TTC39B: variants seen among roughly 807,000 people sequenced by gnomAD.
TTC39B encodes tetratricopeptide repeat domain 39B, also known as tetratricopeptide repeat protein 39B.
Under a neutral mutation model 96.6 loss-of-function variants are expected in TTC39B, and 92 were observed. That is an observed-to-expected ratio of 0.95 (90% CI 0.80 to 1.13). The LOEUF is 1.13. Ranked by LOEUF, TTC39B falls within the 50% of genes most tolerant of loss-of-function variation. The pLI, the probability that TTC39B is intolerant of heterozygous loss-of-function variation, is 0.00. For missense variants in TTC39B, 955 were observed against 809.3 expected, an observed-to-expected ratio of 1.18 and a Z score of -2.18; for synonymous variants, 367 against 299.4, an observed-to-expected ratio of 1.23 and a Z score of -2.33.
intron 2 of TTC39B, among the ~76,000 whole-genome samples, chr9:15,237,963 T>C (rs1030035773): frequency 6.6e-6 from 1 of 152,164 alleles, no homozygotes; most frequent in African/African-American, 2.4e-5. Context: ...TTATTCCAGG[T>C]ATGCAAGGAT....
exon 20 of TTC39B, chr9:15,171,426 T>TA (rs898855742): frequency 3.3e-5 from 5 of 151,972 alleles, no homozygotes; most frequent in African/African-American, 7.3e-5. Flanking sequence ...AAATGAAGAG[T>TA]AAAAAACCAC....
At chr9:15,251,258 T>C (rs1381298333) in intron 2 of TTC39B, among the ~76,000 whole-genome samples, 1 of 151,764 alleles carries the variant, frequency 6.6e-6, no homozygotes, top group East Asian at 1.9e-4. Context: ...AAATAGTAAA[T>C]TCCTTGGAAA....
At chr9:15,195,850 A>T (rs1275940309) in intron 8 of TTC39B, among the ~76,000 whole-genome samples, 4 of 152,204 alleles carry the variant, frequency 2.6e-5, no homozygotes, top group African/African-American at 9.7e-5. Context: ...TAGAACTTTC[A>T]TATCTAGAGA....
chr9:15,269,855 CAAAAAAAAAGAAAA>C (rs1404316052), intron 1 of TTC39B, among the ~76,000 whole-genome samples: 75 of 87,298 alleles, frequency 8.6e-4, no homozygotes, highest in African/African-American at 4.1e-3. Context: ...ACTCCGTCTC[CAAAAAAAAAGAAAA>C]AAAAAAAAAG....
intron 8 of TTC39B, among the ~76,000 whole-genome samples, chr9:15,194,129 G>A (rs761613666): frequency 2.0e-5 from 3 of 151,886 alleles, no homozygotes; most frequent in Non-Finnish European, 2.9e-5. Context: ...TCTGAGTGAC[G>A]ATTTACAATC....
At position 15,280,770 on chromosome 9, in the gene TTC39B, C is replaced by A. The variant is rs138117920; in HGVS notation, c.241-12822G>T. Among the ~76,000 whole-genome samples the A allele has an allele frequency of 2.6e-3, 393 of 152,258 alleles. 2 individuals are homozygous for A. Among genetic ancestry groups the A allele is most frequent in the African/African-American group, 9.0e-3 (372 of 41,554 alleles). ...TCCCTAAAAGTTAATATATTGAGAA[C>A]TTAGCTTGAGTCTGGTCCTTCCCAA... On this transcript the variant is annotated intron_variant, in intron 1 of 19. Coordinates refer to ENST00000512701, the Ensembl canonical transcript of TTC39B.
intron 2 of TTC39B, among the ~76,000 whole-genome samples, chr9:15,243,811 G>A (rs958446373): frequency 7.9e-5 from 12 of 152,204 alleles, no homozygotes; most frequent in Non-Finnish European, 1.6e-4. Flanking sequence ...TCAGGAGGCT[G>A]AGAGGACAGC....
chr9:15,259,641 A>C (rs923592470), intron 2 of TTC39B, among the ~76,000 whole-genome samples: 18 of 152,346 alleles, frequency 1.2e-4, no homozygotes, highest in African/African-American at 4.3e-4. Context: ...AATGAAGTGC[A>C]GATGGTCCCC....
intron 3 of TTC39B, 40 bp downstream of exon 3, chr9:15,225,877 C>G (rs992407708): frequency 1.9e-6 from 3 of 1,573,570 alleles, no homozygotes; most frequent in Admixed American, 3.4e-5. Context: ...TGGGACTGTC[C>G]TCCCCTCTTC....
At chr9:15,226,188 T>C (rs955017223) in intron 2 of TTC39B, among the ~76,000 whole-genome samples, 176 bp from the exon 3 acceptor site, 1 of 152,234 alleles carries the variant, frequency 6.6e-6, no homozygotes, top group African/African-American at 2.4e-5. Flanking sequence ...CAAACATTCC[T>C]GAAATACAGC....
intron 2 of TTC39B, among the ~76,000 whole-genome samples, chr9:15,255,747 T>C (rs984693037): frequency 6.6e-6 from 1 of 152,198 alleles, no homozygotes; most frequent in African/African-American, 2.4e-5. Flanking sequence ...CCAACAATTA[T>C]GGATAGTGTT....
chr9:15,244,288 T>A (rs1207575599), intron 2 of TTC39B, among the ~76,000 whole-genome samples: 2 of 152,248 alleles, frequency 1.3e-5, no homozygotes, highest in Admixed American at 1.3e-4. Context: ...TTATCCTCTC[T>A]TACCACATGA....
At chr9:15,198,127 G>C (rs1819282780) in intron 8 of TTC39B, among the ~76,000 whole-genome samples, 1 of 152,042 alleles carries the variant, frequency 6.6e-6, no homozygotes, top group Admixed American at 6.6e-5. Flanking sequence ...CCGCATTGTA[G>C]GGTTTAAAAT....
chr9:15,281,678 A>AT (rs57693563), intron 1 of TTC39B, among the ~76,000 whole-genome samples: 10,824 of 137,784 alleles, frequency 0.079, 497 homozygotes, highest in African/African-American at 0.12. Context: ...CCTCTTCTGC[A>AT]TTTTTTTTTT....
chr9:15,241,307 ACT>A (rs1362702550), intron 2 of TTC39B, among the ~76,000 whole-genome samples: 2 of 151,986 alleles, frequency 1.3e-5, no homozygotes, highest in South Asian at 2.1e-4. Context: ...AAAAAAAAAA[ACT>A]CTGCAAAACA....
chr9:15,216,533 G>C (rs1179187234), intron 3 of TTC39B, among the ~76,000 whole-genome samples: 1 of 152,146 alleles, frequency 6.6e-6, no homozygotes, highest in East Asian at 1.9e-4. Context: ...TTTTTCACAA[G>C]AAAGTTGCCT....
In TTC39B at chr9:15,306,973, G is replaced by C; in HGVS notation, c.240+111C>G. 6.7e-7 allele frequency: 1 copy of C among 1,488,726 alleles called. No homozygotes were observed. Among genetic ancestry groups the C allele is most frequent in the African/African-American group, 1.4e-5 (1 of 70,550 alleles). The allele number at this position is 1,488,726 out of a possible 1,614,324, so 92.2% of individuals were successfully genotyped here. A position where few individuals can be genotyped will look rare whatever the true frequency, so the allele number is the denominator to read the frequency against. On this transcript the variant is annotated intron_variant, in intron 1 of 19. Transcript: ENST00000512701. The surrounding 1 kb of genome is among the most constrained non-coding windows in gnomAD (Gnocchi z 5.1). ...CCGGCGCCCGCCAGCCCACCCCAGA[G>C]AGGGGACCAAGGGGGCGGGGCCTCG... is the stretch of plus-strand genomic sequence containing the variant.
At chr9:15,174,740 G>A (rs1817838090) in intron 19 of TTC39B, among the ~76,000 whole-genome samples, 1 of 152,052 alleles carries the variant, frequency 6.6e-6, no homozygotes, top group Non-Finnish European at 1.5e-5. Context: ...CAAAAAGCTG[G>A]CCAACCCCTG....
At chr9:15,307,138 G>A in exon 1 of TTC39B, 1 of 1,608,338 alleles carries the variant, frequency 6.2e-7, no homozygotes, top group Non-Finnish European at 8.5e-7. Flanking sequence ...TCCTCCTCTG[G>A]CTGCTGCCAC....
Sources: gnomAD v4.1 joint callset for allele counts (sites outside exome capture counted in the v4.1 genomes callset) on GRCh38, gnomAD v4.1.1 for gene constraint, Gnocchi (gnomAD v3.1) non-coding constraint, MANE v1.5 for transcripts, NCBI Gene and HGNC (gene_info 2026-07-23, HGNC 2026-07-21) for gene names.